Variants in PHF21B observed in about 807,000 individuals in gnomAD.
PHF21B encodes PHD finger protein 4.
In PHF21B, 22 loss-of-function variants were observed where a neutral mutation model predicts 62.2. The ratio of observed to expected loss-of-function variants is 0.35; its 90% CI spans 0.25 to 0.51. The LOEUF (loss-of-function observed/expected upper bound fraction) is 0.51. PHF21B is among the 20% of genes least tolerant of loss of function. PHF21B has a pLI of 0.97. For missense variants in PHF21B, 701 were observed against 707.9 expected, an observed-to-expected ratio of 0.99 and a Z score of 0.11; for synonymous variants, 341 against 314.7, an observed-to-expected ratio of 1.08 and a Z score of -0.88.
At chr22:44,937,777 T>A (rs987560729) in intron 2 of PHF21B, among the ~76,000 whole-genome samples, 2 of 152,108 alleles carry the variant, frequency 1.3e-5, no homozygotes, top group Non-Finnish European at 2.9e-5. Context: ...ACGAATACTC[T>A]CGATGACACG....
intron 2 of PHF21B, among the ~76,000 whole-genome samples, chr22:44,949,319 A>G (rs1419530228): frequency 1.9e-4 from 23 of 122,960 alleles, no homozygotes; most frequent in East Asian, 6.3e-4. Context: ...AGAAAAAAAA[A>G]AAAAAAGAAA....
intron 2 of PHF21B, among the ~76,000 whole-genome samples, chr22:45,001,576 G>T (rs2073219331): frequency 6.6e-6 from 1 of 152,216 alleles, no homozygotes; most frequent in African/African-American, 2.4e-5. Flanking sequence ...GCTGTGAGCT[G>T]TGGGCTATAT....
chr22:44,982,859 G>C (rs1280175109), intron 2 of PHF21B, among the ~76,000 whole-genome samples: 1 of 151,498 alleles, frequency 6.6e-6, no homozygotes, highest in Non-Finnish European at 1.5e-5. Context: ...GGAGGAGCCA[G>C]AAGAAGGAAG....
intron 5 of PHF21B, among the ~76,000 whole-genome samples, chr22:44,905,864 G>A (rs985119216): frequency 6.6e-6 from 1 of 152,130 alleles, no homozygotes; most frequent in Non-Finnish European, 1.5e-5. Flanking sequence ...TCCTGACCTC[G>A]TGATCCGCCC....
chr22:44,926,296 G>A (rs1054444369), intron 2 of PHF21B, among the ~76,000 whole-genome samples: 2 of 152,266 alleles, frequency 1.3e-5, no homozygotes, highest in Non-Finnish European at 2.9e-5. Context: ...GGATTCCCGA[G>A]GCAGGTTCCC....
intron 2 of PHF21B, among the ~76,000 whole-genome samples, chr22:44,961,065 T>A (rs2072409906): frequency 6.7e-6 from 1 of 149,876 alleles, no homozygotes; most frequent in Admixed American, 6.7e-5. Context: ...CAAGCGATTC[T>A]CATGCCTCAG....
At chr22:44,920,222 T>C (rs2071509988) in intron 3 of PHF21B, among the ~76,000 whole-genome samples, 176 bp downstream of exon 3, 1 of 152,194 alleles carries the variant, frequency 6.6e-6, no homozygotes, top group South Asian at 2.1e-4. Flanking sequence ...ACGTATCTGG[T>C]CCAAATGTTT....
chr22:44,934,464 G>A (rs961330979), intron 2 of PHF21B, among the ~76,000 whole-genome samples: 8 of 152,214 alleles, frequency 5.3e-5, no homozygotes, highest in South Asian at 2.1e-4. Flanking sequence ...GGACAACATC[G>A]TCCCAGGCAG....
At chr22:44,969,589 C>T (rs1438238383) in intron 2 of PHF21B, among the ~76,000 whole-genome samples, 1 of 152,084 alleles carries the variant, frequency 6.6e-6, no homozygotes. Context: ...TCACTTGAAC[C>T]TGGGAGGTAG....
At chr22:44,885,824 G>A (rs1259152174) in intron 11 of PHF21B, 39 bp downstream of exon 11, 1 of 1,598,322 alleles carries the variant, frequency 6.3e-7, no homozygotes, top group South Asian at 1.1e-5. Context: ...GGGAGGAGGG[G>A]GAGCAGGTAC....
chr22:44,894,001 C>G (rs756459383), intron 6 of PHF21B, among the ~76,000 whole-genome samples: 25 of 152,342 alleles, frequency 1.6e-4, no homozygotes, highest in South Asian at 4.1e-4. Flanking sequence ...CCTTCGCATG[C>G]GAGCGAGAGG....
chr22:44,886,360 C>T (rs1164654744), intron 10 of PHF21B, among the ~76,000 whole-genome samples: 1 of 30,118 alleles, frequency 3.3e-5, no homozygotes, highest in African/African-American at 1.3e-4. Flanking sequence ...AAAGTTGTGA[C>T]AAAAAAGAAA....
chr22:44,971,400 G>C (rs2072635249), intron 2 of PHF21B: 1 of 152,234 alleles, frequency 6.6e-6, no homozygotes. Flanking sequence ...GGCCATTCGG[G>C]GTAGGCAGCA....
chr22:44,885,666 G>T, intron 11 of PHF21B, 137 bp from the exon 12 acceptor site: 2 of 1,030,416 alleles, frequency 1.9e-6, no homozygotes, highest in Non-Finnish European at 2.8e-6. Context: ...GTGGCCAAAT[G>T]CACAGGACCT....
At chr22:44,982,940 T>A (rs1021056741) in intron 2 of PHF21B, among the ~76,000 whole-genome samples, 5 of 152,128 alleles carry the variant, frequency 3.3e-5, no homozygotes, top group African/African-American at 1.2e-4. Context: ...AGAATCTGAT[T>A]TGGACCAAGA....
intron 2 of PHF21B, among the ~76,000 whole-genome samples, chr22:44,982,432 AC>A: frequency 6.6e-6 from 1 of 152,226 alleles, no homozygotes; most frequent in East Asian, 1.9e-4. Flanking sequence ...CAGATGAGAA[AC>A]CTGGGGCTCG....
chr22:45,005,582 A>C (rs2073300958), intron 2 of PHF21B, among the ~76,000 whole-genome samples: 1 of 152,214 alleles, frequency 6.6e-6, no homozygotes, highest in African/African-American at 2.4e-5. Context: ...TAACTGAGAA[A>C]AACATCGCGC....
chr22:44,918,620 G>A (rs992270538), intron 3 of PHF21B, among the ~76,000 whole-genome samples: 1 of 152,230 alleles, frequency 6.6e-6, no homozygotes, highest in African/African-American at 2.4e-5. Flanking sequence ...TTGCCCGTGA[G>A]CCACCTGGGA....
chr22:44,957,248 G>A (rs2147405663), intron 2 of PHF21B, among the ~76,000 whole-genome samples: 1 of 152,374 alleles, frequency 6.6e-6, no homozygotes, highest in Middle Eastern at 3.4e-3. Context: ...CAGCCTCAGA[G>A]GGTCAGGCAC....
Sources: allele counts gnomAD v4.1 joint callset (sites outside exome capture counted in the v4.1 genomes callset), GRCh38; gene constraint gnomAD v4.1.1; transcripts MANE v1.5; gene names NCBI Gene and HGNC (gene_info 2026-07-23, HGNC 2026-07-21).